The following TBC1D5 variants were observed in gnomAD, a reference collection of about 807,000 sequenced individuals.
TBC1D5 encodes the protein TBC1 domain family, member 5.
In TBC1D5, 75 loss-of-function variants were observed where a neutral mutation model predicts 100.3. The ratio of observed to expected loss-of-function variants is 0.75; its 90% CI spans 0.62 to 0.91. The LOEUF is 0.91. TBC1D5 is among the 40% of genes least tolerant of loss of function. The pLI is 0.00. For synonymous variants in TBC1D5, 323 were observed against 325.6 expected (o/e 0.99, Z 0.09); for missense variants, 910 against 942.4 (o/e 0.97, Z 0.45).
At chr3:17,736,808 T>A (rs1023569695) in intron 1 of TBC1D5, among the ~76,000 whole-genome samples, 3 of 152,074 alleles carry the variant, frequency 2.0e-5, no homozygotes, top group Non-Finnish European at 4.4e-5. Context: ...GTCAGGAGTT[T>A]GAGACCAGCC....
At chr3:17,458,620 G>A (rs952840823) in intron 3 of TBC1D5, among the ~76,000 whole-genome samples, 1 of 152,108 alleles carries the variant, frequency 6.6e-6, no homozygotes, top group Admixed American at 6.6e-5. Flanking sequence ...AGTACTTGTA[G>A]GATGCCTCTC....
At chr3:17,463,033 G>C (rs1238080439) in intron 3 of TBC1D5, among the ~76,000 whole-genome samples, 1 of 151,944 alleles carries the variant, frequency 6.6e-6, no homozygotes, top group African/African-American at 2.4e-5. Flanking sequence ...TGAAAGGTTT[G>C]GAATTTCAAA....
At chr3:17,566,843 T>C (rs902844653) in intron 2 of TBC1D5, among the ~76,000 whole-genome samples, 7 of 151,852 alleles carry the variant, frequency 4.6e-5, no homozygotes, top group East Asian at 1.9e-4. Flanking sequence ...TTTTTGAATA[T>C]GGAAATTCTG....
intron 2 of TBC1D5, among the ~76,000 whole-genome samples, chr3:17,565,413 A>T (rs1453440450): frequency 3.3e-5 from 5 of 152,132 alleles, no homozygotes; most frequent in Admixed American, 6.5e-5. Context: ...AGACCATAAC[A>T]ATTACAGAAA....
intron 3 of TBC1D5, among the ~76,000 whole-genome samples, chr3:17,463,638 A>G (rs1007725833): frequency 1.3e-5 from 2 of 152,228 alleles, no homozygotes; most frequent in Non-Finnish European, 2.9e-5. Context: ...GATTAACAAA[A>G]TATCAAAATT....
chr3:17,563,583 A>G (rs560291800), intron 2 of TBC1D5, among the ~76,000 whole-genome samples: 3 of 152,360 alleles, frequency 2.0e-5, no homozygotes, highest in African/African-American at 7.2e-5. Context: ...TTATAGATTC[A>G]CAATGTGAAG....
chr3:17,512,528 T>C (rs1029155588), intron 2 of TBC1D5, among the ~76,000 whole-genome samples: 2 of 152,152 alleles, frequency 1.3e-5, no homozygotes, highest in African/African-American at 4.8e-5. Context: ...AAATCCATAA[T>C]TGATAGATTT....
intron 2 of TBC1D5, among the ~76,000 whole-genome samples, chr3:17,545,816 GTTTC>G (rs556351724): frequency 5.0e-4 from 76 of 152,026 alleles, no homozygotes; most frequent in Non-Finnish European, 8.4e-4. Flanking sequence ...CTTCAAACTG[GTTTC>G]TTTCTTTCTC....
intron 3 of TBC1D5, among the ~76,000 whole-genome samples, chr3:17,457,815 C>T (rs2095122600): frequency 6.6e-6 from 1 of 152,004 alleles, no homozygotes; most frequent in Non-Finnish European, 1.5e-5. Flanking sequence ...TTGGATATGG[C>T]CACATGTTTC....
intron 17 of TBC1D5, among the ~76,000 whole-genome samples, chr3:17,218,935 T>A (rs2073966026): frequency 6.6e-6 from 1 of 151,924 alleles, no homozygotes; most frequent in African/African-American, 2.4e-5. Context: ...AGGTATGTAC[T>A]AATGCTTTTC....
intron 3 of TBC1D5, among the ~76,000 whole-genome samples, chr3:17,496,566 A>C (rs2095710478): frequency 6.6e-6 from 1 of 152,184 alleles, no homozygotes; most frequent in African/African-American, 2.4e-5. Context: ...TATAGAAAGA[A>C]CTGAGCTTTA....
chr3:17,588,277 CTATG>C (rs920910779), intron 2 of TBC1D5, among the ~76,000 whole-genome samples: 1 of 148,400 alleles, frequency 6.7e-6, no homozygotes, highest in Non-Finnish European at 1.5e-5. Flanking sequence ...AAAGAGAACA[CTATG>C]GGCAGAATTA....
intron 21 of TBC1D5, among the ~76,000 whole-genome samples, chr3:17,161,858 T>C (rs1235517711): frequency 2.0e-5 from 3 of 151,576 alleles, no homozygotes; most frequent in South Asian, 2.1e-4. Context: ...ATCTTGGGTA[T>C]GCACACAGGG....
chr3:17,634,834 G>T (rs2153683595), intron 1 of TBC1D5, among the ~76,000 whole-genome samples: 1 of 152,056 alleles, frequency 6.6e-6, no homozygotes, highest in Middle Eastern at 3.4e-3. Context: ...AATATCCCAT[G>T]TACCCTATAC....
intron 4 of TBC1D5, among the ~76,000 whole-genome samples, chr3:17,413,733 A>C (rs757598115): frequency 2.6e-4 from 39 of 152,184 alleles, no homozygotes; most frequent in Non-Finnish European, 4.6e-4. Flanking sequence ...TACACTATGG[A>C]AAACACTAAT....
chr3:17,349,525 T>A (rs1164562454), intron 13 of TBC1D5, among the ~76,000 whole-genome samples: 7 of 152,228 alleles, frequency 4.6e-5, no homozygotes, highest in African/African-American at 9.6e-5. Context: ...ATGGTGATTG[T>A]AACTTTCTAC....
intron 3 of TBC1D5, among the ~76,000 whole-genome samples, chr3:17,435,600 T>C (rs2094521233): frequency 6.6e-6 from 1 of 152,080 alleles, no homozygotes; most frequent in Non-Finnish European, 1.5e-5. Flanking sequence ...ATTATTCAAT[T>C]ACCTCCCACC....
intron 13 of TBC1D5, among the ~76,000 whole-genome samples, chr3:17,313,527 C>T (rs1289356566): frequency 6.6e-6 from 1 of 152,096 alleles, no homozygotes; most frequent in African/African-American, 2.4e-5. Context: ...TACTCCTATC[C>T]TCCGTAATCT....
intron 2 of TBC1D5, among the ~76,000 whole-genome samples, chr3:17,547,395 C>G (rs1284406654): frequency 6.6e-6 from 1 of 152,014 alleles, no homozygotes; most frequent in African/African-American, 2.4e-5. Flanking sequence ...CTACTGTTAC[C>G]ATACCTAACC....
Sources: gnomAD v4.1 joint callset for allele counts (sites outside exome capture counted in the v4.1 genomes callset) on GRCh38, gnomAD v4.1.1 for gene constraint, MANE v1.5 for transcripts, NCBI Gene and HGNC (gene_info 2026-07-23, HGNC 2026-07-21) for gene names.